The following PLCL1 variants were observed in gnomAD, a reference collection of about 807,000 sequenced individuals.
PLCL1 encodes phospholipase C like 1 (inactive), also known as inactive phospholipase C-like protein 1.
A neutral mutation model predicts 84.4 loss-of-function variants in PLCL1; 41 were observed. The ratio of observed to expected loss-of-function variants is 0.49; its 90% CI spans 0.38 to 0.63. PLCL1 has a LOEUF of 0.63. Ranked by LOEUF, PLCL1 falls within the 30% of genes least tolerant of loss-of-function variation. The probability of loss-of-function intolerance (pLI) is 0.00; values close to 1 mark genes in which losing one functional copy is unlikely to be tolerated. For missense variants in PLCL1, 1,206 were observed against 1,367.8 expected, an observed-to-expected ratio of 0.88 and a Z score of 1.87; for synonymous variants, 490 against 488.3, an observed-to-expected ratio of 1.00 and a Z score of -0.05.
chr2:197,935,437 A>G lies in PLCL1; in HGVS notation c.240+130098A>G, dbSNP rs544357828. ...AGGATGCTATTAATATGTAACCATA[A>G]AAAGAACAAGATCTTGTTCTTTGCA... On this transcript the variant is annotated intron_variant, in intron 1 of 5. Coordinates refer to ENST00000428675, the MANE Select transcript of PLCL1 (RefSeq NM_006226.4). Among the ~76,000 whole-genome samples the G allele has an allele frequency of 1.8e-4, 28 of 152,306 alleles. No individual in the cohort carries two copies. The East Asian group carries it at 5.0e-3, about 27-fold the overall frequency.
At chr2:197,922,693 A>T (rs1245900678) in intron 1 of PLCL1, among the ~76,000 whole-genome samples, 3 of 112,524 alleles carry the variant, frequency 2.7e-5, no homozygotes, top group Non-Finnish European at 5.7e-5. Flanking sequence ...CTGGCTGGGC[A>T]GAGGGGCTCC....
intron 1 of PLCL1, among the ~76,000 whole-genome samples, chr2:197,901,534 A>G (rs1384794570): frequency 6.6e-6 from 1 of 152,166 alleles, no homozygotes; most frequent in Non-Finnish European, 1.5e-5. Flanking sequence ...ATCGAATATT[A>G]TGGGTCACGT....
At chr2:198,134,853 T>C (rs1694216319) in intron 5 of PLCL1, among the ~76,000 whole-genome samples, 1 of 152,186 alleles carries the variant, frequency 6.6e-6, no homozygotes, top group Non-Finnish European at 1.5e-5. Context: ...GCTGAAGCCA[T>C]TTTTGTGATC....
intron 1 of PLCL1, among the ~76,000 whole-genome samples, chr2:198,039,098 A>AT (rs1691605404): frequency 1.3e-5 from 2 of 152,070 alleles, no homozygotes; most frequent in African/African-American, 4.8e-5. Context: ...TTCTTTATAC[A>AT]TTTTTGTGGA....
In PLCL1 at chr2:198,084,029, A is replaced by C. The variant is rs1692787695; in HGVS notation, c.512A>C (p.Asn171Thr). Residue 171 changes from asparagine to threonine, a missense_variant, in exon 2 of 6, where the codon AAC becomes ACC. By Grantham distance (65) the Asn-to-Thr change is moderately conservative. Transcript: ENST00000428675. ...SAIKEIRLGKNTETFRNNGLA... is the reference protein window; with the variant it reads ...SAIKEIRLGKTTETFRNNGLA... ...ATAAAAGAGATCAGACTGGGGAAAA[A>C]CACGGAAACATTTAGAAACAATGGC... The C allele has an allele frequency of 6.2e-7, 1 of 1,614,182 alleles. No homozygotes were observed. The highest frequency in any genetic ancestry group is 1.3e-5 in the African/African-American group (1 of 75,058).
chr2:197,989,952 G>C (rs545485064), intron 1 of PLCL1, among the ~76,000 whole-genome samples: 1 of 152,314 alleles, frequency 6.6e-6, no homozygotes, highest in South Asian at 2.1e-4. Context: ...TGTACAGATA[G>C]TGCCTACTGG....
At chr2:197,910,340 TA>T (rs1688463478) in intron 1 of PLCL1, among the ~76,000 whole-genome samples, 1 of 152,234 alleles carries the variant, frequency 6.6e-6, no homozygotes, top group Non-Finnish European at 1.5e-5. Flanking sequence ...AGGACTGTTT[TA>T]AGATTTAAGT....
intron 5 of PLCL1, among the ~76,000 whole-genome samples, chr2:198,121,584 C>T (rs982062617): frequency 5.9e-5 from 9 of 151,888 alleles, no homozygotes; most frequent in South Asian, 2.1e-4. Context: ...ATTGTATGTT[C>T]GTGGCACCTT....
At chr2:197,930,350 T>C (rs1410466935) in intron 1 of PLCL1, among the ~76,000 whole-genome samples, 3 of 152,192 alleles carry the variant, frequency 2.0e-5, no homozygotes, top group Non-Finnish European at 4.4e-5. Flanking sequence ...CTTCACAAAA[T>C]AGAGTACATG....
rs1158491988 is a variant in PLCL1, at chr2:198,018,300, G to A, written c.241-65458G>A. ...CCCTGGGTTTCAAGCACAAAACTGG[G>A]CGGCTGTTTGGGCAGACATCGAACT... On this transcript the variant is annotated intron_variant, in intron 1 of 5. Transcript: ENST00000428675. Among the ~76,000 whole-genome samples, 7 of 152,160 alleles carry A rather than the reference G, an allele frequency of 4.6e-5. No individual in the cohort carries two copies. The East Asian group carries it at 1.2e-3, about 25-fold the overall frequency.
intron 5 of PLCL1, among the ~76,000 whole-genome samples, chr2:198,117,637 C>T (rs909707133): frequency 8.6e-5 from 13 of 151,902 alleles, no homozygotes; most frequent in Non-Finnish European, 1.8e-4. Flanking sequence ...TTGCAGGAAA[C>T]AGGTTCTTGT....
intron 1 of PLCL1, among the ~76,000 whole-genome samples, chr2:198,013,727 A>G (rs1313727954): frequency 6.6e-6 from 1 of 152,288 alleles, no homozygotes; most frequent in African/African-American, 2.4e-5. Context: ...ATGAAACACC[A>G]ATGAACCAGT....
At chr2:197,897,397 G>T (rs1688174704) in intron 1 of PLCL1, among the ~76,000 whole-genome samples, 1 of 151,896 alleles carries the variant, frequency 6.6e-6, no homozygotes, top group Admixed American at 6.6e-5. Context: ...GAGTGTTTGT[G>T]GTTCATAGTG....
chr2:197,847,278 A>T (rs1206252678), intron 1 of PLCL1, among the ~76,000 whole-genome samples: 1 of 152,150 alleles, frequency 6.6e-6, no homozygotes, highest in Admixed American at 6.6e-5. Flanking sequence ...TAAAAGCAAG[A>T]AGTGAACACG....
At chr2:198,033,644 C>G (rs1321189341) in intron 1 of PLCL1, among the ~76,000 whole-genome samples, 1 of 152,174 alleles carries the variant, frequency 6.6e-6, no homozygotes, top group African/African-American at 2.4e-5. Flanking sequence ...GACTGTAACC[C>G]TTTATCCAAC....
At chr2:197,956,185 G>T (rs1054070016) in intron 1 of PLCL1, among the ~76,000 whole-genome samples, 1 of 152,168 alleles carries the variant, frequency 6.6e-6, no homozygotes, top group Non-Finnish European at 1.5e-5. Flanking sequence ...ATTCCATGGT[G>T]TATATGTGCC....
At chr2:198,057,497 A>G (rs1692096816) in intron 1 of PLCL1, among the ~76,000 whole-genome samples, 1 of 152,204 alleles carries the variant, frequency 6.6e-6, no homozygotes, top group South Asian at 2.1e-4. Flanking sequence ...GATTTATCCA[A>G]GATTACATAG....
intron 1 of PLCL1, among the ~76,000 whole-genome samples, chr2:197,946,988 C>G (rs998896208): frequency 6.6e-6 from 1 of 151,970 alleles, no homozygotes; most frequent in Non-Finnish European, 1.5e-5. Context: ...ATCCTTAGGG[C>G]TTCTGGAGGA....
chr2:197,923,606 T>G (rs1208977676), intron 1 of PLCL1, among the ~76,000 whole-genome samples: 1 of 138,614 alleles, frequency 7.2e-6, no homozygotes, highest in Non-Finnish European at 1.6e-5. Context: ...TGATGGCGGC[T>G]GGGAAGAGGC....
Sources: gnomAD v4.1 joint callset for allele counts (sites outside exome capture counted in the v4.1 genomes callset) on GRCh38, gnomAD v4.1.1 for gene constraint, MANE v1.5 for transcripts, NCBI Gene and HGNC (gene_info 2026-07-23, HGNC 2026-07-21) for gene names.